Variants in PPARGC1A observed in about 807,000 individuals in gnomAD.
The protein encoded by PPARGC1A is peroxisome proliferator-activated receptor gamma coactivator 1-alpha.
In PPARGC1A, 25 loss-of-function variants were observed where a neutral mutation model predicts 88.7. That is an observed-to-expected ratio of 0.28 (90% CI 0.21 to 0.39). The LOEUF (loss-of-function observed/expected upper bound fraction) is 0.39, where lower values mean the gene tolerates loss of function less well. Among genes scored for constraint, PPARGC1A ranks in the 10% least tolerant of loss-of-function variants. PPARGC1A has a pLI of 1.00. For missense variants in PPARGC1A, 880 were observed against 968.7 expected (o/e 0.91, Z 1.22); for synonymous variants, 363 against 355.6 (o/e 1.02, Z -0.24).
At chr4:24,229,291 T>C in the PPARGC1A span, among the ~76,000 whole-genome samples, 1 of 150,446 alleles carries the variant, frequency 6.6e-6, no homozygotes, top group African/African-American at 2.4e-5. Flanking sequence ...GTAGCCGGGA[T>C]TACAGACACG....
intron 10 of PPARGC1A, among the ~76,000 whole-genome samples, chr4:23,803,919 C>G (rs897784348): frequency 3.3e-5 from 5 of 152,098 alleles, no homozygotes; most frequent in Non-Finnish European, 7.3e-5. Context: ...TTTTCTTATG[C>G]CCAGTATTTG....
the PPARGC1A span, among the ~76,000 whole-genome samples, chr4:23,985,584 C>T: frequency 1.4e-5 from 2 of 144,588 alleles, no homozygotes; most frequent in Non-Finnish European, 3.0e-5. Context: ...GATAAAGGCA[C>T]ATCCATAAGC....
chr4:24,374,153 G>T, the PPARGC1A span, among the ~76,000 whole-genome samples: 1 of 152,138 alleles, frequency 6.6e-6, no homozygotes, highest in South Asian at 2.1e-4. Flanking sequence ...AAAGATGATG[G>T]TTAACACCCC....
the PPARGC1A span, among the ~76,000 whole-genome samples, chr4:23,949,363 CCACAGCACCAAG>C: frequency 6.6e-6 from 1 of 152,106 alleles, no homozygotes; most frequent in African/African-American, 2.4e-5. Flanking sequence ...TATGGAAGTC[CCACAGCACCAAG>C]CACAGCACTA....
At chr4:23,956,939 C>A in the PPARGC1A span, among the ~76,000 whole-genome samples, 2 of 152,046 alleles carry the variant, frequency 1.3e-5, no homozygotes, top group Non-Finnish European at 2.9e-5. Context: ...GAGGTAGGTG[C>A]CCTTAGTTCC....
chr4:24,091,620 G>A, the PPARGC1A span: 2 of 985,374 alleles, frequency 2.0e-6, no homozygotes, highest in East Asian at 2.3e-4. Flanking sequence ...AGCAGCCAGG[G>A]CAGTCCAGGG....
chr4:24,084,261 G>A, the PPARGC1A span, among the ~76,000 whole-genome samples: 1 of 152,188 alleles, frequency 6.6e-6, no homozygotes, highest in Admixed American at 6.5e-5. Flanking sequence ...CAAAGTTCTA[G>A]GCTATAGAAG....
At chr4:23,896,788 T>C (rs1718652042) in intron 1 of PPARGC1A, among the ~76,000 whole-genome samples, 1 of 152,214 alleles carries the variant, frequency 6.6e-6, no homozygotes, top group Non-Finnish European at 1.5e-5. Context: ...GTAAGAATAA[T>C]TCTTGAGAAG....
chr4:24,050,244 G>A, the PPARGC1A span, among the ~76,000 whole-genome samples: 1 of 137,130 alleles, frequency 7.3e-6, no homozygotes, highest in Non-Finnish European at 1.5e-5. Flanking sequence ...CGCCCAGGCT[G>A]GAGTACTGTG....
chr4:24,096,991 G>A, the PPARGC1A span, among the ~76,000 whole-genome samples: 1 of 152,138 alleles, frequency 6.6e-6, no homozygotes. Context: ...TGCTTTGGGA[G>A]GCTGATGTGG....
chr4:24,176,212 C>G, the PPARGC1A span, among the ~76,000 whole-genome samples: 1 of 152,216 alleles, frequency 6.6e-6, no homozygotes, highest in Non-Finnish European at 1.5e-5. Flanking sequence ...CCCTAACATT[C>G]TGTAACTCAG....
the PPARGC1A span, among the ~76,000 whole-genome samples, chr4:24,291,958 A>T: frequency 6.6e-6 from 1 of 152,208 alleles, no homozygotes; most frequent in African/African-American, 2.4e-5. Context: ...TGCAAAAGAA[A>T]ACAAAGGTTA....
At chr4:23,799,321 T>C (rs1162455243) in intron 12 of PPARGC1A, among the ~76,000 whole-genome samples, 1 of 152,240 alleles carries the variant, frequency 6.6e-6, no homozygotes, top group African/African-American at 2.4e-5. Flanking sequence ...CATTTTAAAT[T>C]ATAACCATAG....
chr4:24,470,326 T>TCACACA, the PPARGC1A span, among the ~76,000 whole-genome samples: 2 of 110,320 alleles, frequency 1.8e-5, no homozygotes, highest in African/African-American at 3.7e-5. This position sits in a 1 kb window ranked among gnomAD's most constrained non-coding sequence, Gnocchi z 5.8. Flanking sequence ...ACACACACAC[T>TCACACA]CTCTCACACA....
the PPARGC1A span, among the ~76,000 whole-genome samples, chr4:23,913,150 C>G: frequency 6.9e-6 from 1 of 145,600 alleles, no homozygotes; most frequent in East Asian, 2.0e-4. Context: ...CACATACACT[C>G]TCTCTCTCTC....
At chr4:24,117,835 G>A in the PPARGC1A span, among the ~76,000 whole-genome samples, 5 of 151,938 alleles carry the variant, frequency 3.3e-5, no homozygotes, top group South Asian at 6.2e-4. Flanking sequence ...CAGCAGTTTC[G>A]GAAGAGTAAC....
the PPARGC1A span, among the ~76,000 whole-genome samples, chr4:24,105,818 G>A: frequency 2.6e-5 from 4 of 152,130 alleles, no homozygotes; most frequent in African/African-American, 7.2e-5. Flanking sequence ...ACAGAGACAT[G>A]GTGTCCAAGG....
At chr4:24,333,220 G>A in the PPARGC1A span, among the ~76,000 whole-genome samples, 2 of 151,804 alleles carry the variant, frequency 1.3e-5, no homozygotes, top group Non-Finnish European at 2.9e-5. Flanking sequence ...CTCCAGCCTG[G>A]GCAACAGAGC....
chr4:23,844,372 T>C (rs1727621579), intron 2 of PPARGC1A, among the ~76,000 whole-genome samples: 4 of 135,486 alleles, frequency 3.0e-5, no homozygotes, highest in African/African-American at 1.1e-4. Context: ...TAATATATTA[T>C]AGATTATAAT....
Sources: gnomAD v4.1 joint callset for allele counts (sites outside exome capture counted in the v4.1 genomes callset) on GRCh38, gnomAD v4.1.1 for gene constraint, Gnocchi (gnomAD v3.1) non-coding constraint, MANE v1.5 for transcripts, NCBI Gene and HGNC (gene_info 2026-07-23, HGNC 2026-07-21) for gene names.